Variants in FBN1 observed in about 807,000 individuals in gnomAD.
The protein encoded by FBN1 is fibrillin 1, also known as fibrillin-1.
In FBN1, 29 loss-of-function variants were observed where a neutral mutation model predicts 365.1. That is an observed-to-expected ratio of 0.08 (90% CI 0.06 to 0.11). The LOEUF is 0.11. FBN1 is among the 10% of genes least tolerant of loss of function. The pLI is 1.00. For synonymous variants in FBN1, 1,210 were observed against 1,270.5 expected (o/e 0.95, Z 1.01); for missense variants, 2,476 against 3,703.2 (o/e 0.67, Z 8.60).
At chr15:48,482,281 A>C (rs2043471335) in intron 31 of FBN1, among the ~76,000 whole-genome samples, 1 of 152,220 alleles carries the variant, frequency 6.6e-6, no homozygotes, top group Non-Finnish European at 1.5e-5. Context: ...TTTTCAGTAA[A>C]GGCTTTCAGA....
intron 44 of FBN1, among the ~76,000 whole-genome samples, chr15:48,453,290 CA>C (rs748356141): frequency 3.3e-4 from 11 of 32,932 alleles, no homozygotes; most frequent in Non-Finnish European, 6.1e-4. Context: ...AAAAATAAAA[CA>C]AACAAAAAAA....
At chr15:48,569,174 G>C (rs2044285438) in intron 6 of FBN1, among the ~76,000 whole-genome samples, 2 of 151,992 alleles carry the variant, frequency 1.3e-5, no homozygotes, top group South Asian at 4.1e-4. Flanking sequence ...CAAGACATTA[G>C]AGTAAACATG....
Position 48,488,378 on chromosome 15 carries a change from C to T in FBN1, c.3198G>A (p.Arg1066=). Reference sequence around the variant, plus strand: ...GGCTCATTAACTGACCTGTGCAGTTCCTTTCTTCAGAATCAAGAGCAAAGC... The same window carrying T: ...GGCTCATTAACTGACCTGTGCAGTTTCTTTCTTCAGAATCAAGAGCAAAGC... ...DSGFALDSEE[R]NCTDIDECRI... Residue 1066 remains arginine (R), a synonymous_variant, in exon 26 of 66, where the codon AGG becomes AGA. Transcript: ENST00000316623. 1 of 1,614,244 alleles carries T rather than the reference C, an allele frequency of 6.2e-7. No individual in the cohort carries two copies. The highest frequency in any genetic ancestry group is 2.2e-5 in the East Asian group (1 of 44,888).
chr15:48,487,817 T>C (rs1189389902), intron 27 of FBN1, among the ~76,000 whole-genome samples: 1 of 152,220 alleles, frequency 6.6e-6, no homozygotes, highest in African/African-American at 2.4e-5. Flanking sequence ...ACAGACATCT[T>C]GTAAAGGGAC....
At position 48,412,619 on chromosome 15, in the gene FBN1, G is replaced by C. The variant is rs61746008; in HGVS notation, c.8176C>G (p.Arg2726Gly). Residue 2726 changes from arginine to glycine, a missense_variant, in exon 65 of 66, where the codon CGG becomes GGG. Around this residue, in one of 5 missense-constraint regions of FBN1, gnomAD observed 177 missense variants for 192.7 expected, o/e 0.92. Transcript: ENST00000316623. The stretch of plus-strand genomic sequence containing the variant: ...TTTGTGCTTCTCCGTTTCCTGCCCC[G>C]TTTGGGGTAGCCATTGATCTTACAC... ...YECKINGYPK[R>G]GRKRRSTNET... is the part of the protein sequence containing the mutation. The C allele has an allele frequency of 6.2e-7, 1 of 1,614,164 alleles. No individual in the cohort carries two copies. The highest frequency in any genetic ancestry group is 8.5e-7 in the Non-Finnish European group (1 of 1,180,020).
chr15:48,483,850 A>G lies in FBN1; in HGVS notation c.3806T>C (p.Phe1269Ser). 1 of 1,613,826 alleles carries G rather than the reference A, an allele frequency of 6.2e-7. No individual in the cohort carries two copies. The highest frequency in any genetic ancestry group is 8.5e-7 in the Non-Finnish European group (1 of 1,180,004). The change falls in exon 31 of 66, where the codon TTC becomes TCC. Residue 1269 changes from phenylalanine to serine, a missense_variant. Transcript: ENST00000316623. ...GEYRCLCYDG[F>S]MASEDMKTCV... is the part of the protein sequence containing the mutation. ...AGTCTTCATGTCTTCAGATGCCATG[A>G]ATCCATCATAACACAAGCACCTGTA...
chr15:48,572,994 G>A (rs2140674849), intron 6 of FBN1, among the ~76,000 whole-genome samples: 1 of 152,256 alleles, frequency 6.6e-6, no homozygotes, highest in Admixed American at 6.5e-5. Flanking sequence ...GGGAACAATG[G>A]GAGGATGTGG....
intron 61 of FBN1, 40 bp downstream of exon 61, chr15:48,421,912 T>G: frequency 6.9e-7 from 1 of 1,451,624 alleles, no homozygotes; most frequent in Non-Finnish European, 9.7e-7. Context: ...CTTAAAAGAA[T>G]CGCTACAATC....
chr15:48,416,789 T>C (rs1251032947), intron 63 of FBN1: 1 of 152,250 alleles, frequency 6.6e-6, no homozygotes, highest in African/African-American at 2.4e-5. Context: ...TTAACTGCCA[T>C]AGTCCATTTT....
At position 48,495,326 on chromosome 15, in the gene FBN1, T is replaced by C. The variant is rs140273313; in HGVS notation, c.2540-66A>G. 3.4e-4 allele frequency: 551 copies of C among 1,597,694 alleles called. No individual in the cohort carries two copies. The African/African-American group carries it at 5.0e-3, about 14-fold the overall frequency. ...AATTCAAACATACACCTTGGAATTATAGACAAAAATAGCATTTGAAACAAG... is the reference window on the plus strand; with the variant it reads ...AATTCAAACATACACCTTGGAATTACAGACAAAAATAGCATTTGAAACAAG... On this transcript the variant is annotated intron_variant, in intron 21 of 65. Coordinates refer to ENST00000316623, the MANE Select transcript of FBN1 (RefSeq NM_000138.5).
chr15:48,584,281 G>T (rs903389245), intron 6 of FBN1, among the ~76,000 whole-genome samples: 1 of 152,082 alleles, frequency 6.6e-6, no homozygotes, highest in African/African-American at 2.4e-5. Flanking sequence ...GCAGTAACTT[G>T]CTCAAGGCCA....
At chr15:48,411,450 AT>A in intron 65 of FBN1, 71 bp from the exon 66 acceptor site, 2 of 1,437,216 alleles carry the variant, frequency 1.4e-6, no homozygotes, top group Non-Finnish European at 1.9e-6. Context: ...TAAAGAAAAA[AT>A]GACTCAAATT....
intron 4 of FBN1, among the ~76,000 whole-genome samples, chr15:48,608,555 G>C (rs1055603936): frequency 1.3e-5 from 2 of 152,138 alleles, no homozygotes; most frequent in Non-Finnish European, 2.9e-5. Flanking sequence ...AAGCCATTTA[G>C]ACAATATTAG....
chr15:48,420,548 G>T, intron 63 of FBN1, 139 bp downstream of exon 63: 3 of 1,054,670 alleles, frequency 2.8e-6, no homozygotes, highest in East Asian at 2.4e-5. Flanking sequence ...TACTTACCTC[G>T]GGTTTCAACC....
intron 17 of FBN1, 113 bp from the exon 18 acceptor site, chr15:48,499,151 G>C: frequency 2.8e-6 from 3 of 1,067,172 alleles, no homozygotes; most frequent in South Asian, 2.6e-5. Context: ...AAACTTAAGT[G>C]GTAACGGAAA....
intron 52 of FBN1, 87 bp from the exon 53 acceptor site, chr15:48,437,164 G>T: frequency 8.6e-7 from 1 of 1,161,596 alleles, no homozygotes; most frequent in Non-Finnish European, 1.3e-6. Flanking sequence ...TTAATCAAAA[G>T]ATTATCTAAT....
intron 14 of FBN1, 47 bp downstream of exon 14, chr15:48,509,997 G>C: frequency 6.2e-7 from 1 of 1,605,082 alleles, no homozygotes; most frequent in Non-Finnish European, 8.5e-7. Flanking sequence ...CCCTGATATT[G>C]AAACTGCAAT....
rs1042069136 is a variant in FBN1 at position 48,596,210 on chromosome 15, C to A, written c.538+73G>T. The A allele has an allele frequency of 3.0e-6, 4 of 1,337,362 alleles. No homozygotes were observed. In the African/African-American group the frequency reaches 5.8e-5, roughly 19 times the overall value. 82.8% of individuals were successfully genotyped at this position (1,337,362 alleles called of 1,614,324 possible). ...CATTCAGGAAGTAGCCATGCAGACC[C>A]AATGTCTGTGCAAATTAGTAACAGC... On this transcript the variant is annotated intron_variant, in intron 6 of 65. Transcript: ENST00000316623.
Position 48,492,523 on chromosome 15 carries a change from C to G in FBN1, c.2792G>C (p.Gly931Ala), listed in dbSNP as rs200078617. The G allele has an allele frequency of 6.2e-7, 1 of 1,612,056 alleles. No homozygotes were observed. The highest frequency in any genetic ancestry group is 2.2e-5 in the East Asian group (1 of 44,856). The change falls in exon 24 of 66, where the codon GGG becomes GCG. Residue 931 changes from glycine (G) to alanine (A), a missense_variant. By Grantham distance (60) the Gly-to-Ala change is moderately conservative (BLOSUM62 0). Around this residue, in one of 5 missense-constraint regions of FBN1, gnomAD observed 1,780 missense variants for 2,840.8 expected, o/e 0.63. Transcript: ENST00000316623. The stretch of plus-strand genomic sequence containing the variant: ...ACTGGGACACTGACACTTGAATGAC[C>G]CCCTAGTGTTAACACACAGGCCATT... The part of the protein sequence containing the change: ...CKNGLCVNTR[G>A]SFKCQCPSGM...
Sources: gnomAD v4.1 joint callset for allele counts (sites outside exome capture counted in the v4.1 genomes callset) on GRCh38, gnomAD v4.1.1 for gene constraint, gnomAD v4.1.1 regional missense constraint, MANE v1.5 for transcripts, NCBI Gene and HGNC (gene_info 2026-07-23, HGNC 2026-07-21) for gene names.